CIT: variants seen among roughly 807,000 people sequenced by gnomAD.
CIT encodes the protein citron rho-interacting serine/threonine kinase.
CIT carries 79 observed loss-of-function variants against 272.7 expected under a neutral mutation model. That is an observed-to-expected ratio of 0.29 (90% confidence interval 0.24 to 0.35). The LOEUF is 0.35. CIT is among the 10% of genes least tolerant of loss of function. The pLI is 1.00. For synonymous variants in CIT, 948 were observed against 995.6 expected (o/e 0.95, Z 0.90); for missense variants, 1,909 against 2,618.3 (o/e 0.73, Z 5.91).
chr12:119,700,660 C>T lies in CIT; in HGVS notation c.5623+85G>A, dbSNP rs145746481. The stretch of plus-strand genomic sequence containing the variant: ...CCTCCCAAAGTGTTGGGATTACAGG[C>T]GTGAGCCACCGCACCCGGATGCAAT... On this transcript the variant is annotated intron_variant, in intron 44 of 47. Coordinates refer to ENST00000392521, the MANE Select transcript of CIT (RefSeq NM_001206999.2). The T allele has an allele frequency of 3.6e-3, 3,969 of 1,107,776 alleles. 23 individuals are homozygous for T. The highest frequency in any genetic ancestry group is 0.018 in the Middle Eastern group (88 of 4,946). 68.6% of individuals were successfully genotyped at this position (1,107,776 alleles called of 1,614,324 possible). A position where few individuals can be genotyped will look rare whatever the true frequency, so the allele number is the denominator to read the frequency against.
At position 119,718,424 on chromosome 12, in the gene CIT, G is replaced by C; in HGVS notation, c.4004-15C>G. On this transcript the variant is annotated splice_polypyrimidine_tract_variant and intron_variant, in intron 31 of 47. Coordinates refer to ENST00000392521, the MANE Select transcript of CIT (RefSeq NM_001206999.2). The surrounding 1 kb of genome is among the most constrained non-coding windows in gnomAD (Gnocchi z 4.8). ...GCGGTGGGCAGCTGCAGAGAGACCA[G>C]GACAATGCCTTTTGGTTAGCTGGGT... 2 of 1,597,326 alleles carry C rather than the reference G, an allele frequency of 1.3e-6. No individual in the cohort carries two copies. Among genetic ancestry groups the C allele is most frequent in the Non-Finnish European group, 1.7e-6 (2 of 1,169,810 alleles).
chr12:119,717,834 C>CTTT (rs546520444), intron 32 of CIT, among the ~76,000 whole-genome samples: 2,408 of 69,536 alleles, frequency 0.035, 114 homozygotes, highest in African/African-American at 0.068. Context: ...AGACTGACTT[C>CTTT]TTTCTTTTTT....
chr12:119,825,036 G>A (rs1345641241), intron 8 of CIT, 129 bp downstream of exon 8: 10 of 678,936 alleles, frequency 1.5e-5, no homozygotes, highest in Non-Finnish European at 2.2e-5. Flanking sequence ...TCCTGACCTC[G>A]TGATCCACCC....
In CIT at chr12:119,712,684, G is replaced by A. The variant is rs1022382362; in HGVS notation, c.4591C>T (p.Pro1531Ser). ...AGGCACAGCTCAAATTCTTCCACCG[G>A]CCTCTGTCCAGCTTGGTGCAAAGAG... Reference protein sequence around the residue: ...DNEAREAGQRPVEEFELCLPD... With the variant: ...DNEAREAGQRSVEEFELCLPD... The change falls in exon 36 of 48, where the codon CCG becomes TCG. Residue 1531 changes from proline (P) to serine (S), a missense_variant. Physicochemically the swap from Pro to Ser is moderately conservative, Grantham distance 74. Transcript: ENST00000392521. The surrounding 1 kb of genome is among the most constrained non-coding windows in gnomAD (Gnocchi z 5.2). 4.3e-6 allele frequency: 7 copies of A among 1,613,918 alleles called. No individual in the cohort carries two copies. The African/African-American group carries it at 9.3e-5, about 22-fold the overall frequency.
Position 119,697,818 on chromosome 12 carries a change from A to G in CIT, c.5723T>C (p.Leu1908Pro). ...SSAGTPARAY[L>P]DIPNPRYLGP... ...CAGGTAGCGCGGGTTCGGGATGTCC[A>G]GGTACGCTCGGGCAGGGGTCCTGCA... The change falls in exon 46 of 48, where the codon CTG (leucine) becomes CCG (proline). Residue 1908 changes from leucine (L) to proline (P), a missense_variant. Physicochemically the swap from Leu to Pro is moderately conservative, Grantham distance 98. Coordinates refer to ENST00000392521, the MANE Select transcript of CIT (RefSeq NM_001206999.2). The surrounding 1 kb of genome is among the most constrained non-coding windows in gnomAD (Gnocchi z 4.9). 6.2e-7 allele frequency: 1 copy of G among 1,614,118 alleles called. No homozygotes were observed. Among genetic ancestry groups the G allele is most frequent in the Non-Finnish European group, 8.5e-7 (1 of 1,180,008 alleles).
At chr12:119,863,201 CAAAA>C (rs751421292) in intron 3 of CIT, among the ~76,000 whole-genome samples, 34 of 40,524 alleles carry the variant, frequency 8.4e-4, no homozygotes, top group Middle Eastern at 0.016. Context: ...GACTCTGTAT[CAAAA>C]AAAAAAAAAA....
chr12:119,824,629 CTAT>C (rs1383343120), intron 8 of CIT, among the ~76,000 whole-genome samples: 1 of 152,138 alleles, frequency 6.6e-6, no homozygotes, highest in Admixed American at 6.5e-5. Flanking sequence ...TAAGTATTTG[CTAT>C]TATTATTTTC....
At chr12:119,756,376 A>G (rs1230596825) in intron 22 of CIT, among the ~76,000 whole-genome samples, 1 of 152,224 alleles carries the variant, frequency 6.6e-6, no homozygotes, top group Non-Finnish European at 1.5e-5. Context: ...TCAAGGGCCC[A>G]GTTACAAAGT....
chr12:119,750,748 TATAGATAGATAGATAGATAGATAGATAG>T (rs6144898), intron 23 of CIT, among the ~76,000 whole-genome samples: 11 of 147,980 alleles, frequency 7.4e-5, no homozygotes, highest in African/African-American at 1.3e-4. Flanking sequence ...TATATATAGA[TATAGATAGATAGATAGATAGATAGATAG>T]ATAGATAGAT....
Position 119,701,766 on chromosome 12 carries a change from C to T in CIT, c.5414-14G>A, listed in dbSNP as rs1317987267. The T allele has an allele frequency of 9.3e-6, 15 of 1,614,086 alleles. No homozygotes were observed. The highest frequency in any genetic ancestry group is 2.2e-5 in the East Asian group (1 of 44,900). On this transcript the variant is annotated splice_polypyrimidine_tract_variant and intron_variant, in intron 42 of 47. Coordinates refer to ENST00000392521, the MANE Select transcript of CIT (RefSeq NM_001206999.2). ...TATCCAGGAATTCTGTAAAGGCAGG[C>T]GAGAAGCGGGGCTTCAGGAGTGAGT...
intron 4 of CIT, among the ~76,000 whole-genome samples, chr12:119,854,598 G>C (rs563856866): frequency 6.6e-6 from 1 of 151,796 alleles, no homozygotes; most frequent in Non-Finnish European, 1.5e-5. Context: ...AGTGAGATCC[G>C]GCCACTGAAC....
intron 5 of CIT, among the ~76,000 whole-genome samples, chr12:119,843,329 A>C (rs2138195076): frequency 6.6e-6 from 1 of 152,302 alleles, no homozygotes; most frequent in Admixed American, 6.5e-5. Context: ...TGGCTGCAGT[A>C]TGTGGAAGAC....
chr12:119,692,845 T>C (rs1309772149), intron 46 of CIT, among the ~76,000 whole-genome samples: 6 of 152,220 alleles, frequency 3.9e-5, no homozygotes, highest in Non-Finnish European at 7.3e-5. Flanking sequence ...AGACAACGAA[T>C]GCTCAGAAGG....
rs767693184 is a variant in CIT at position 119,714,257 on chromosome 12, T to C, written c.4246A>G (p.Thr1416Ala). ...GTATCCAGACACACAGCACACTTTG[T>C]GGCTCGCATGTTCAGTCCTACGTTG... Reference protein sequence around the residue: ...RFNVGLNMRATKCAVCLDTVH... With the variant: ...RFNVGLNMRAAKCAVCLDTVH... The change falls in exon 33 of 48, where the codon ACA becomes GCA. Residue 1416 changes from threonine to alanine, a missense_variant. By Grantham distance (58) the Thr-to-Ala change is moderately conservative. Coordinates refer to ENST00000392521, the MANE Select transcript of CIT (RefSeq NM_001206999.2). 47 of 1,614,080 alleles carry C rather than the reference T, an allele frequency of 2.9e-5. 1 individual carries two copies. In the Admixed American group the frequency reaches 7.7e-4, roughly 26 times the overall value.
Position 119,822,947 on chromosome 12 carries a change from G to C in CIT, c.984C>G (p.Pro328=). The C allele has an allele frequency of 6.2e-7, 1 of 1,609,840 alleles. No individual in the cohort carries two copies. Among genetic ancestry groups the C allele is most frequent in the Non-Finnish European group, 8.5e-7 (1 of 1,178,992 alleles). ...GATCAAGAAAGTCACTGCTCACTTT[G>C]GGGTCATCTGGAAATTTCAAAAACC... is the stretch of plus-strand genomic sequence containing the variant. ...FQRFLKFPDD[P]KVSSDFLDLI... Residue 328 remains proline, a synonymous_variant, in exon 9 of 48, where the codon CCC becomes CCG. Transcript: ENST00000392521.
At chr12:119,849,861 T>C (rs1970087813) in intron 5 of CIT, among the ~76,000 whole-genome samples, 1 of 152,138 alleles carries the variant, frequency 6.6e-6, no homozygotes, top group South Asian at 2.1e-4. Context: ...AATTTTTCTG[T>C]ATTTTTAGTA....
At chr12:119,760,803 C>A in intron 20 of CIT, 136 bp downstream of exon 20, 1 of 689,712 alleles carries the variant, frequency 1.4e-6, no homozygotes. Flanking sequence ...TCAGAGAAAG[C>A]CTCCTATTAC....
intron 5 of CIT, among the ~76,000 whole-genome samples, chr12:119,848,139 G>C (rs552947990): frequency 1.3e-5 from 2 of 152,234 alleles, no homozygotes; most frequent in South Asian, 4.2e-4. Context: ...AAACCTAAGA[G>C]CTGTGGCATT....
At chr12:119,816,191 T>C (rs1219170059) in intron 9 of CIT, among the ~76,000 whole-genome samples, 1 of 152,202 alleles carries the variant, frequency 6.6e-6, no homozygotes, top group Non-Finnish European at 1.5e-5. Flanking sequence ...AGAATACTTA[T>C]TCCACCCTTA....
Sources: allele counts gnomAD v4.1 joint callset (sites outside exome capture counted in the v4.1 genomes callset), GRCh38; gene constraint gnomAD v4.1.1; non-coding constraint Gnocchi (gnomAD v3.1); transcripts MANE v1.5; gene names NCBI Gene and HGNC (gene_info 2026-07-23, HGNC 2026-07-21).